Variants in GABRB3 observed in about 807,000 individuals in gnomAD.
GABRB3 encodes the protein gamma-aminobutyric acid type A receptor subunit beta3.
GABRB3 carries 14 observed loss-of-function variants against 52.1 expected under a neutral mutation model. The ratio of observed to expected loss-of-function variants is 0.27; its 90% CI spans 0.18 to 0.42. The LOEUF (loss-of-function observed/expected upper bound fraction) is 0.42, where lower values mean the gene tolerates loss of function less well. GABRB3 is among the 10% of genes least tolerant of loss of function. The pLI is 1.00. For missense variants in GABRB3, 307 were observed against 609.1 expected (o/e 0.50, Z 5.22); for synonymous variants, 260 against 232.3 (o/e 1.12, Z -1.08).
At chr15:26,672,508 C>A (rs569679665) in intron 3 of GABRB3, among the ~76,000 whole-genome samples, 1 of 152,244 alleles carries the variant, frequency 6.6e-6, no homozygotes, top group South Asian at 2.1e-4. Flanking sequence ...CTCTCCTTTG[C>A]GTATTCACTT....
At position 26,719,203 on chromosome 15, in the gene GABRB3, G is replaced by A. The variant is rs569650069; in HGVS notation, c.240+53199C>T. On this transcript the variant is annotated intron_variant, in intron 3 of 8. Transcript: ENST00000311550. ...TGCGAAGCATTTGGCATAGCGCTAG[G>A]CACATGGCAGGTGCCCATGAGTGTT... Among the ~76,000 whole-genome samples, 20 of 152,368 alleles carry A rather than the reference G, an allele frequency of 1.3e-4. No homozygotes were observed. In the South Asian group the frequency reaches 3.7e-3, roughly 28 times the overall value.
At chr15:26,691,729 C>G (rs1888596280) in intron 3 of GABRB3, among the ~76,000 whole-genome samples, 1 of 152,044 alleles carries the variant, frequency 6.6e-6, no homozygotes, top group Non-Finnish European at 1.5e-5. Flanking sequence ...ATATCAAGAC[C>G]CAATTTTTGG....
chr15:26,595,760 T>A (rs766522031), intron 4 of GABRB3, among the ~76,000 whole-genome samples: 24 of 152,152 alleles, frequency 1.6e-4, no homozygotes, highest in Non-Finnish European at 2.9e-4. Context: ...TTACCATAAA[T>A]CTTGACTTTA....
intron 4 of GABRB3, among the ~76,000 whole-genome samples, chr15:26,605,227 A>C (rs920227622): frequency 6.6e-6 from 1 of 152,200 alleles, no homozygotes; most frequent in Admixed American, 6.5e-5. Flanking sequence ...ATCTCACCCC[A>C]GTTAAAATAA....
intron 4 of GABRB3, among the ~76,000 whole-genome samples, chr15:26,603,954 A>G (rs905166063): frequency 2.0e-5 from 3 of 152,054 alleles, no homozygotes; most frequent in Non-Finnish European, 4.4e-5. Flanking sequence ...AATAAAAGAC[A>G]TCCAAATTAG....
intron 7 of GABRB3, among the ~76,000 whole-genome samples, chr15:26,563,452 C>CT (rs530315096): frequency 3.9e-4 from 60 of 152,286 alleles, no homozygotes; most frequent in African/African-American, 1.3e-3. Flanking sequence ...GCTTTACCTG[C>CT]TATGGGGGAT....
Position 26,772,737 on chromosome 15 carries a change from T to C in GABRB3, c.116A>G (p.Glu39Gly). 1.3e-6 allele frequency: 2 copies of C among 1,572,744 alleles called. No homozygotes were observed. Among genetic ancestry groups the C allele is most frequent in the South Asian group, 1.1e-5 (1 of 87,384 alleles). Residue 39 changes from glutamate to glycine, a missense_variant, in exon 2 of 9, where the codon GAG becomes GGG. Glu to Gly is a moderately conservative substitution (Grantham distance 98, BLOSUM62 -2). Around this residue, in one of 6 missense-constraint regions of GABRB3, gnomAD observed 90 missense variants for 86.4 expected, o/e 1.04. Coordinates refer to ENST00000311550, the MANE Select transcript of GABRB3 (RefSeq NM_000814.6). ...NDPGNMSFVK[E>G]TVDKLLKGYD... is the part of the protein sequence containing the mutation. ...GCCTTTCAACAGCTTGTCCACCGTC[T>C]CCTTCACAAAGGACATGTTCCCGGG...
At chr15:26,624,862 G>C in intron 3 of GABRB3, 2 of 985,432 alleles carry the variant, frequency 2.0e-6, no homozygotes, top group Non-Finnish European at 2.4e-6. Context: ...CCTGTTACGG[G>C]AGCCATGGTG....
chr15:26,656,337 A>C (rs1887372372), intron 3 of GABRB3, among the ~76,000 whole-genome samples: 1 of 152,190 alleles, frequency 6.6e-6, no homozygotes, highest in South Asian at 2.1e-4. Flanking sequence ...CATAAATAGC[A>C]AATGTTGCCA....
At chr15:26,760,316 CAGAG>C (rs1386642655) in intron 3 of GABRB3, among the ~76,000 whole-genome samples, 1 of 152,202 alleles carries the variant, frequency 6.6e-6, no homozygotes, top group Admixed American at 6.5e-5. Flanking sequence ...CAAGGCAACT[CAGAG>C]AGCATCCATT....
At chr15:26,658,627 CT>C (rs370397070) in intron 3 of GABRB3, 4 of 152,220 alleles carry the variant, frequency 2.6e-5, no homozygotes, top group African/African-American at 7.2e-5. Context: ...CTTCTGTTAG[CT>C]GCTGCTGCCT....
In GABRB3 at chr15:26,547,665, CAATTGCGTATGTATAT is replaced by C. The variant is rs762865539; in HGVS notation, c.*112_*127del. 7.1e-6 allele frequency: 5 copies of C among 705,010 alleles called. No individual in the cohort carries two copies. Among genetic ancestry groups the C allele is most frequent in the Non-Finnish European group, 1.2e-5 (5 of 402,368 alleles). The allele number at this position is 705,010 out of a possible 1,614,324, so 43.7% of individuals were successfully genotyped here. On this transcript the variant is annotated 3_prime_UTR_variant, in exon 9 of 9. Coordinates refer to ENST00000311550, the MANE Select transcript of GABRB3 (RefSeq NM_000814.6). Reference sequence around the variant, plus strand: ...TGCTGAGAAAGTTCACATATATATACAATTGCGTATGTATATATGTGTGTGTCTGCTTGTGTGTCTG... The same window carrying C: ...TGCTGAGAAAGTTCACATATATATACATGTGTGTGTCTGCTTGTGTGTCTG...
At chr15:26,720,169 C>A (rs916695262) in intron 3 of GABRB3, among the ~76,000 whole-genome samples, 19 of 151,858 alleles carry the variant, frequency 1.3e-4, no homozygotes, top group Admixed American at 2.6e-4. Context: ...GAACAACCCC[C>A]CTTTGACTGT....
chr15:26,575,526 T>C (rs1890565146), intron 6 of GABRB3, among the ~76,000 whole-genome samples: 2 of 152,164 alleles, frequency 1.3e-5, no homozygotes, highest in South Asian at 2.1e-4. Context: ...ATACCTCTAG[T>C]AGATAGTATT....
chr15:26,637,001 A>G (rs1893080047), intron 3 of GABRB3, among the ~76,000 whole-genome samples: 1 of 152,152 alleles, frequency 6.6e-6, no homozygotes, highest in South Asian at 2.1e-4. Flanking sequence ...CCATTGGAGC[A>G]ACCAGAATGA....
chr15:26,562,669 C>T (rs1169818269), intron 7 of GABRB3, among the ~76,000 whole-genome samples: 6 of 152,222 alleles, frequency 3.9e-5, no homozygotes, highest in Non-Finnish European at 7.3e-5. Flanking sequence ...GCAGCATCCT[C>T]ATCCTCTGTG....
intron 4 of GABRB3, among the ~76,000 whole-genome samples, chr15:26,596,581 T>C (rs1486911271): frequency 6.6e-6 from 1 of 152,084 alleles, no homozygotes; most frequent in East Asian, 1.9e-4. Flanking sequence ...GGGTAAACCT[T>C]TAAATACTTA....
chr15:26,570,436 C>T (rs890747966), intron 6 of GABRB3, among the ~76,000 whole-genome samples: 4 of 152,188 alleles, frequency 2.6e-5, no homozygotes, highest in Non-Finnish European at 5.9e-5. Context: ...CTGGGCCTTG[C>T]GCGACTTGGG....
intron 3 of GABRB3, among the ~76,000 whole-genome samples, chr15:26,645,662 T>G (rs957166881): frequency 6.6e-6 from 1 of 152,178 alleles, no homozygotes; most frequent in Non-Finnish European, 1.5e-5. Flanking sequence ...GTGGATGGCT[T>G]GCTTGGGTGC....
Sources: allele counts gnomAD v4.1 joint callset (sites outside exome capture counted in the v4.1 genomes callset), GRCh38; gene constraint gnomAD v4.1.1; regional missense constraint gnomAD v4.1.1; transcripts MANE v1.5; gene names NCBI Gene and HGNC (gene_info 2026-07-23, HGNC 2026-07-21).